The following ENPEP variants were observed in gnomAD, a reference collection of about 807,000 sequenced individuals.
ENPEP encodes AP-A.
In ENPEP, 103 loss-of-function variants were observed where a neutral mutation model predicts 114.5. That is an observed-to-expected ratio of 0.90 (90% CI 0.77 to 1.06). ENPEP has a LOEUF of 1.06. Among genes scored for constraint, ENPEP ranks in the 50% least tolerant of loss-of-function variants. The pLI, the probability that ENPEP is intolerant of heterozygous loss-of-function variation, is 0.00. For missense variants in ENPEP, 1,196 were observed against 1,161.3 expected (o/e 1.03, Z -0.43); for synonymous variants, 420 against 422.0 (o/e 1.00, Z 0.06).
At chr4:110,513,823 T>G (rs1438464807) in intron 7 of ENPEP, among the ~76,000 whole-genome samples, 2 of 152,206 alleles carry the variant, frequency 1.3e-5, no homozygotes, top group African/African-American at 4.8e-5. Context: ...TATTTAGACT[T>G]GAAGCATCAC....
At chr4:110,477,512 A>ATTT (rs568753070) in intron 1 of ENPEP, among the ~76,000 whole-genome samples, 1 of 148,826 alleles carries the variant, frequency 6.7e-6, no homozygotes, top group East Asian at 2.0e-4. Flanking sequence ...TATTTTGTCC[A>ATTT]TTTTTTTTTT....
Position 110,548,331 on chromosome 4 carries a change from C to T in ENPEP, c.2151+5C>T, listed in dbSNP as rs200901703. ...GAGCTATATCCTATGATTGAGGTGA[C>T]GTTAATGCTATGGTATCTTATGAAA... On this transcript the variant is annotated splice_donor_5th_base_variant and intron_variant, in intron 14 of 19. Transcript: ENST00000265162. 4.0e-5 allele frequency: 62 copies of T among 1,553,808 alleles called. No individual in the cohort carries two copies. The highest frequency in any genetic ancestry group is 4.3e-5 in the Non-Finnish European group (49 of 1,152,558).
At chr4:110,543,198 C>G in intron 13 of ENPEP, 128 bp downstream of exon 13, 2 of 895,156 alleles carry the variant, frequency 2.2e-6, no homozygotes, top group Non-Finnish European at 3.5e-6. Flanking sequence ...CTATTTAAAA[C>G]ATTATTGTTT....
At chr4:110,486,979 T>C (rs1231808173) in intron 1 of ENPEP, among the ~76,000 whole-genome samples, 2 of 151,992 alleles carry the variant, frequency 1.3e-5, no homozygotes, top group Admixed American at 6.6e-5. Flanking sequence ...GATGGAGTCA[T>C]AGAGGGTCGA....
chr4:110,490,943 G>A lies in ENPEP; in HGVS notation c.787-90G>A. The A allele has an allele frequency of 2.9e-6, 4 of 1,376,110 alleles. No individual in the cohort carries two copies. In the South Asian group the frequency reaches 6.0e-5, roughly 21 times the overall value. The allele number at this position is 1,376,110 out of a possible 1,614,324, so 85.2% of individuals were successfully genotyped here. ...TTGACAAAGGACTTCTGGCTAGAAA[G>A]CAAGGTTTGGGGCAACCGTTTATTT... On this transcript the variant is annotated intron_variant, in intron 2 of 19. Coordinates refer to ENST00000265162, the MANE Select transcript of ENPEP (RefSeq NM_001977.4).
intron 9 of ENPEP, 34 bp downstream of exon 9, chr4:110,520,107 T>C (rs1382069932): frequency 6.2e-7 from 1 of 1,606,588 alleles, no homozygotes; most frequent in African/African-American, 1.3e-5. Context: ...AATATTTCTT[T>C]GTCTGATTTA....
intron 8 of ENPEP, chr4:110,519,119 AAT>A (rs1725888187): frequency 2.2e-6 from 1 of 455,566 alleles, no homozygotes; most frequent in Non-Finnish European, 4.4e-6. Context: ...CAAAAGAACA[AAT>A]ATGGAGGCAG....
intron 8 of ENPEP, among the ~76,000 whole-genome samples, chr4:110,519,706 TG>T (rs1725909788): frequency 6.6e-6 from 1 of 151,968 alleles, no homozygotes; most frequent in African/African-American, 2.4e-5. Flanking sequence ...AGCAAGCTAC[TG>T]TCTGCTGGCC....
chr4:110,524,722 A>G (rs2110367464), intron 10 of ENPEP, among the ~76,000 whole-genome samples: 1 of 152,312 alleles, frequency 6.6e-6, no homozygotes, highest in South Asian at 2.1e-4. Context: ...AAACAATTCC[A>G]GTATGTCATT....
intron 11 of ENPEP, chr4:110,533,126 T>A (rs1726468221): frequency 6.7e-6 from 3 of 451,116 alleles, no homozygotes; most frequent in South Asian, 1.6e-5. Flanking sequence ...GCTGTTTGAT[T>A]TACTGTTTAC....
chr4:110,530,703 G>A (rs774730890), intron 10 of ENPEP, among the ~76,000 whole-genome samples: 8 of 152,152 alleles, frequency 5.3e-5, no homozygotes, highest in Non-Finnish European at 1.2e-4. Flanking sequence ...GAGGGTATGA[G>A]AGGCTTTAGG....
intron 1 of ENPEP, among the ~76,000 whole-genome samples, chr4:110,480,406 AG>A (rs1724267290): frequency 6.6e-6 from 1 of 152,168 alleles, no homozygotes; most frequent in Non-Finnish European, 1.5e-5. Context: ...GGGCCACCAG[AG>A]GGAGTTCACT....
At chr4:110,541,050 CTCTCCT>C (rs1349501588) in intron 11 of ENPEP, among the ~76,000 whole-genome samples, 17 of 152,124 alleles carry the variant, frequency 1.1e-4, no homozygotes, top group African/African-American at 4.1e-4. Context: ...TAGCAAGAAA[CTCTCCT>C]TCTGATACAA....
intron 6 of ENPEP, among the ~76,000 whole-genome samples, chr4:110,510,742 A>C (rs1340543004): frequency 6.6e-6 from 1 of 152,238 alleles, no homozygotes; most frequent in African/African-American, 2.4e-5. Flanking sequence ...GACAGATTGC[A>C]GAAACAGTGT....
At chr4:110,526,046 T>A (rs1332097011) in intron 10 of ENPEP, among the ~76,000 whole-genome samples, 3 of 151,960 alleles carry the variant, frequency 2.0e-5, no homozygotes. Context: ...GAGGCCTAGG[T>A]GGGTGGATCA....
Position 110,476,808 on chromosome 4 carries a change from C to G in ENPEP, c.394C>G (p.Leu132Val), listed in dbSNP as rs1724126352. ...CAACCTGAGCGCTCCCACCCGGTAC[C>G]TGTGGCTGCACCTCCGGGAGACCAG... ...SINLSAPTRY[L>V]WLHLRETRIT... Residue 132 changes from leucine to valine, a missense_variant, in exon 1 of 20, where the codon CTG (leucine) becomes GTG (valine). By Grantham distance (32) the Leu-to-Val change is conservative. Coordinates refer to ENST00000265162, the MANE Select transcript of ENPEP (RefSeq NM_001977.4). 2 of 1,614,190 alleles carry G rather than the reference C, an allele frequency of 1.2e-6. No individual in the cohort carries two copies. Among genetic ancestry groups the G allele is most frequent in the African/African-American group, 1.3e-5 (1 of 75,056 alleles).
intron 2 of ENPEP, 50 bp downstream of exon 2, chr4:110,488,732 T>A (rs1724596344): frequency 6.4e-7 from 1 of 1,553,014 alleles, no homozygotes; most frequent in Non-Finnish European, 8.7e-7. Flanking sequence ...GTTGACAACA[T>A]TAGGCCAGTT....
rs1386129557 is a variant in ENPEP, at chr4:110,563,154, A to G, written c.*1596A>G. 1 of 152,172 alleles carries G rather than the reference A, an allele frequency of 6.6e-6. No homozygotes were observed. The highest frequency in any genetic ancestry group is 1.5e-5 in the Non-Finnish European group (1 of 68,016). 9.4% of individuals were successfully genotyped at this position (152,172 alleles called of 1,614,324 possible). On this transcript the variant is annotated 3_prime_UTR_variant, in exon 20 of 20. Coordinates refer to ENST00000265162, the MANE Select transcript of ENPEP (RefSeq NM_001977.4). ...TTACCAGAAAAACCCCACTATCCTC[A>G]TAAGATTAACTTAAAATTCTGACCA...
chr4:110,484,633 A>G (rs962641377), intron 1 of ENPEP, among the ~76,000 whole-genome samples: 2 of 151,476 alleles, frequency 1.3e-5, no homozygotes, highest in African/African-American at 4.8e-5. Flanking sequence ...TAGTTTAGGA[A>G]GGTAGTTTTT....
Sources: gnomAD v4.1 joint callset for allele counts (sites outside exome capture counted in the v4.1 genomes callset) on GRCh38, gnomAD v4.1.1 for gene constraint, MANE v1.5 for transcripts, NCBI Gene and HGNC (gene_info 2026-07-23, HGNC 2026-07-21) for gene names.